The following ABCB5 variants were observed in gnomAD, a reference collection of about 807,000 sequenced individuals.
ABCB5 encodes ATP binding cassette subfamily B member 5.
A neutral mutation model predicts 144.2 loss-of-function variants in ABCB5; 155 were observed. That is an observed-to-expected ratio of 1.08 (90% CI 0.94 to 1.23). The LOEUF is 1.23. Ranked by LOEUF, ABCB5 falls within the 50% of genes most tolerant of loss-of-function variation. ABCB5 has a pLI of 0.00. For synonymous variants in ABCB5, 610 were observed against 528.6 expected (o/e 1.15, Z -2.11); for missense variants, 1,830 against 1,520.8 (o/e 1.20, Z -3.38).
At chr7:20,716,822 G>T (rs573009079) in intron 20 of ABCB5, among the ~76,000 whole-genome samples, 3 of 152,106 alleles carry the variant, frequency 2.0e-5, no homozygotes, top group Admixed American at 2.0e-4. Flanking sequence ...AAGCAAAGTG[G>T]GTGAGGGCTG....
At chr7:20,738,097 A>G (rs1227738542) in intron 23 of ABCB5, among the ~76,000 whole-genome samples, 1 of 152,222 alleles carries the variant, frequency 6.6e-6, no homozygotes, top group East Asian at 1.9e-4. Flanking sequence ...GCTGTTATCC[A>G]GCACTGCAAA....
rs369912010 is a variant in ABCB5, at chr7:20,647,352, C to T, written c.982-183C>T. On this transcript the variant is annotated intron_variant, in intron 9 of 27. Coordinates refer to ENST00000404938, the MANE Select transcript of ABCB5 (RefSeq NM_001163941.2). The stretch of plus-strand genomic sequence containing the variant: ...ATTAATCTGTGTTTCTATTGCTTCT[C>T]GGCCTTTTGGCTAAGATCAAGTGTA... 6.0e-5 allele frequency: 80 copies of T among 1,337,708 alleles called. No homozygotes were observed. In the South Asian group the frequency reaches 1.0e-3, roughly 17 times the overall value. The allele number at this position is 1,337,708 out of a possible 1,614,324, so 82.9% of individuals were successfully genotyped here. A position where few individuals can be genotyped will look rare whatever the true frequency, so the allele number is the denominator to read the frequency against.
chr7:20,709,605 A>T (rs986875994), intron 20 of ABCB5, among the ~76,000 whole-genome samples: 1 of 149,994 alleles, frequency 6.7e-6, no homozygotes, highest in Non-Finnish European at 1.5e-5. Flanking sequence ...AAAAACTAGG[A>T]TAAAGTGTAA....
At chr7:20,658,913 A>G (rs942013105) in intron 14 of ABCB5, among the ~76,000 whole-genome samples, 10 of 152,128 alleles carry the variant, frequency 6.6e-5, no homozygotes, top group African/African-American at 2.2e-4. Context: ...TACACAAGCA[A>G]TCATCCAGTC....
chr7:20,676,562 C>T (rs970831189), intron 14 of ABCB5, among the ~76,000 whole-genome samples: 1 of 152,078 alleles, frequency 6.6e-6, no homozygotes, highest in Non-Finnish European at 1.5e-5. Context: ...TAGATGCAGA[C>T]AATAGGATGG....
intron 14 of ABCB5, among the ~76,000 whole-genome samples, chr7:20,662,460 C>T (rs989532517): frequency 6.6e-6 from 1 of 152,186 alleles, no homozygotes; most frequent in Non-Finnish European, 1.5e-5. Flanking sequence ...GAAGTTAGGT[C>T]AGAGTAAATT....
At chr7:20,739,636 A>T (rs553327475) in intron 24 of ABCB5, among the ~76,000 whole-genome samples, 1 of 152,252 alleles carries the variant, frequency 6.6e-6, no homozygotes, top group African/African-American at 2.4e-5. Flanking sequence ...GTTCTTGAAA[A>T]AAAAGATTGA....
chr7:20,626,404 A>G (rs191709975), intron 2 of ABCB5, among the ~76,000 whole-genome samples, 153 bp from the exon 3 acceptor site: 1 of 152,346 alleles, frequency 6.6e-6, no homozygotes, highest in African/African-American at 2.4e-5. Flanking sequence ...AACCAGTGAC[A>G]ACTGTCTATC....
intron 5 of ABCB5, among the ~76,000 whole-genome samples, chr7:20,640,126 T>C (rs1029475038): frequency 4.6e-5 from 7 of 152,192 alleles, no homozygotes; most frequent in Non-Finnish European, 4.4e-5. Context: ...TTCAACAAGA[T>C]GATTTGTATT....
rs1310363340 is a variant in ABCB5, at chr7:20,752,031, A to T, written c.3430-1329A>T. Among the ~76,000 whole-genome samples the T allele has an allele frequency of 2.0e-5, 3 of 152,366 alleles. No homozygotes were observed. The East Asian group carries it at 5.8e-4, about 29-fold the overall frequency. On this transcript the variant is annotated intron_variant, in intron 26 of 27. Coordinates refer to ENST00000404938, the MANE Select transcript of ABCB5 (RefSeq NM_001163941.2). ...TATAAGGTTATACCACAGGTTCGTG[A>T]CACCAACTCTGTCCAAAATGCACTT...
intron 15 of ABCB5, among the ~76,000 whole-genome samples, chr7:20,682,772 C>G (rs185971714): frequency 6.6e-6 from 1 of 152,108 alleles, no homozygotes; most frequent in African/African-American, 2.4e-5. Context: ...ACCACATCAC[C>G]ACAGATGGAC....
At chr7:20,715,930 G>A (rs1288520638) in intron 20 of ABCB5, among the ~76,000 whole-genome samples, 1 of 151,930 alleles carries the variant, frequency 6.6e-6, no homozygotes, top group Admixed American at 6.6e-5. Flanking sequence ...ACGTTGGTCA[G>A]GCTGGTATCG....
intron 7 of ABCB5, among the ~76,000 whole-genome samples, chr7:20,644,412 A>C (rs955023188): frequency 6.6e-6 from 1 of 152,156 alleles, no homozygotes; most frequent in South Asian, 2.1e-4. Flanking sequence ...TTTCAATTAC[A>C]TTTCAGATTT....
chr7:20,621,181 A>G (rs1299297574), intron 1 of ABCB5, among the ~76,000 whole-genome samples: 2 of 152,130 alleles, frequency 1.3e-5, no homozygotes, highest in East Asian at 1.9e-4. Flanking sequence ...GACACCTACA[A>G]TAGTCAAATT....
intron 5 of ABCB5, among the ~76,000 whole-genome samples, chr7:20,636,366 G>GGGACATAGACAT (rs1784155169): frequency 6.6e-6 from 1 of 151,976 alleles, no homozygotes; most frequent in African/African-American, 2.4e-5. Context: ...GGGACAATAA[G>GGGACATAGACAT]ATGAAAAGAT....
chr7:20,739,211 G>A (rs569373177), intron 24 of ABCB5, 72 bp downstream of exon 24: 1 of 1,391,020 alleles, frequency 7.2e-7, no homozygotes, highest in Non-Finnish European at 9.3e-7. Flanking sequence ...ACTGAAGATG[G>A]GAGGGAGAGA....
intron 4 of ABCB5, 48 bp downstream of exon 4, chr7:20,628,886 G>C (rs371905844): frequency 7.5e-5 from 120 of 1,591,074 alleles, no homozygotes; most frequent in Non-Finnish European, 9.5e-5. Context: ...CAAAAGCATT[G>C]AATAAAGCAA....
At chr7:20,650,314 T>A (rs11973722) in intron 12 of ABCB5, among the ~76,000 whole-genome samples, 167 bp downstream of exon 12, 39,542 of 152,114 alleles carry the variant, frequency 0.26, 6,633 homozygotes, top group African/African-American at 0.47. Context: ...ATTTAGAGCC[T>A]ACTATGTGTC....
chr7:20,660,097 C>G (rs1784956154), intron 14 of ABCB5: 1 of 984,636 alleles, frequency 1.0e-6, no homozygotes, highest in Admixed American at 6.2e-5. Context: ...GTAATCAAAA[C>G]TAGTTCAGAC....
Sources: allele counts gnomAD v4.1 joint callset (sites outside exome capture counted in the v4.1 genomes callset), GRCh38; gene constraint gnomAD v4.1.1; transcripts MANE v1.5; gene names NCBI Gene and HGNC (gene_info 2026-07-23, HGNC 2026-07-21).